Variants in STK32B observed in about 807,000 individuals in gnomAD.
The protein encoded by STK32B is serine/threonine kinase 32B.
Under a neutral mutation model 52.6 loss-of-function variants are expected in STK32B, and 43 were observed. That is an observed-to-expected ratio of 0.82 (90% CI 0.64 to 1.05). STK32B has a LOEUF of 1.05. Ranked by LOEUF, STK32B falls within the 50% of genes least tolerant of loss-of-function variation. The pLI is 0.00. For missense variants in STK32B, 621 were observed against 534.6 expected (o/e 1.16, Z -1.59); for synonymous variants, 238 against 204.3 (o/e 1.17, Z -1.41).
At chr4:5,472,330 C>A (rs946430509) in intron 11 of STK32B, among the ~76,000 whole-genome samples, 3 of 152,222 alleles carry the variant, frequency 2.0e-5, no homozygotes, top group African/African-American at 7.2e-5. Context: ...CTGGGGCTAA[C>A]CTCTCTGGAC....
intron 4 of STK32B, among the ~76,000 whole-genome samples, chr4:5,374,727 C>T (rs1479590618): frequency 6.8e-6 from 1 of 146,374 alleles, no homozygotes; most frequent in Non-Finnish European, 1.5e-5. Context: ...GGTTCCACCT[C>T]TTATACTATT....
chr4:5,202,558 C>T (rs1268876218), intron 3 of STK32B, among the ~76,000 whole-genome samples: 1 of 152,228 alleles, frequency 6.6e-6, no homozygotes, highest in Non-Finnish European at 1.5e-5. Context: ...GCATTGATTG[C>T]CCTAGTAGAG....
intron 4 of STK32B, among the ~76,000 whole-genome samples, chr4:5,359,621 G>A (rs1341359569): frequency 2.0e-5 from 3 of 152,200 alleles, no homozygotes; most frequent in Admixed American, 6.5e-5. Flanking sequence ...AGGGCCACAG[G>A]AGGGGGTCTG....
At chr4:5,485,755 A>G (rs903729621) in intron 11 of STK32B, among the ~76,000 whole-genome samples, 1 of 152,128 alleles carries the variant, frequency 6.6e-6, no homozygotes, top group Non-Finnish European at 1.5e-5. Flanking sequence ...TGATGTACAG[A>G]TGGGGTTTTG....
At chr4:5,084,215 C>T (rs1282307577) in intron 1 of STK32B, among the ~76,000 whole-genome samples, 3 of 152,206 alleles carry the variant, frequency 2.0e-5, no homozygotes, top group Admixed American at 6.5e-5. Context: ...ACAAACCTCT[C>T]TGTATCATAT....
intron 1 of STK32B, among the ~76,000 whole-genome samples, chr4:5,098,012 G>A (rs1228900849): frequency 6.6e-6 from 1 of 152,206 alleles, no homozygotes; most frequent in Non-Finnish European, 1.5e-5. Context: ...TGGATCATCT[G>A]TTCCACGTGA....
At chr4:5,357,411 A>C (rs1734258877) in intron 4 of STK32B, among the ~76,000 whole-genome samples, 1 of 152,152 alleles carries the variant, frequency 6.6e-6, no homozygotes. Flanking sequence ...GATGACAACT[A>C]CAGTTGATTT....
Position 5,331,378 on chromosome 4 carries a change from A to G in STK32B, c.419A>G (p.Tyr140Cys), listed in dbSNP as rs758262361. The change falls in exon 4 of 12, where the codon TAC (tyrosine) becomes TGC (cysteine). Residue 140 changes from tyrosine to cysteine, a missense_variant. By Grantham distance (194) the Tyr-to-Cys change is radical. Coordinates refer to ENST00000282908, the MANE Select transcript of STK32B (RefSeq NM_018401.3). Reference protein sequence around the residue: ...LALALEYLQRYHIIHRDIKPD... With the variant: ...LALALEYLQRCHIIHRDIKPD... ...CTGGCCCTGGAGTATCTTCAGAGGT[A>G]CCACATCATCCACAGGTAACTGGGC... is the stretch of plus-strand genomic sequence containing the variant. The G allele has an allele frequency of 6.2e-7, 1 of 1,612,234 alleles. No homozygotes were observed. Among genetic ancestry groups the G allele is most frequent in the Non-Finnish European group, 8.5e-7 (1 of 1,179,044 alleles).
chr4:5,453,921 A>G lies in STK32B; in HGVS notation c.667-2886A>G, dbSNP rs914350909. ...ACTCCATCTAAAAAAAAAGAAGTCCAAAACTGAACTCAGCCCCAGCTCATC... is the reference window on the plus strand; with the variant it reads ...ACTCCATCTAAAAAAAAAGAAGTCCGAAACTGAACTCAGCCCCAGCTCATC... On this transcript the variant is annotated intron_variant, in intron 7 of 11. Coordinates refer to ENST00000282908, the MANE Select transcript of STK32B (RefSeq NM_018401.3). This position sits in a 1 kb window ranked among gnomAD's most constrained non-coding sequence, Gnocchi z 4.0. Among the ~76,000 whole-genome samples, 9 of 152,060 alleles carry G rather than the reference A, an allele frequency of 5.9e-5. No homozygotes were observed. The highest frequency in any genetic ancestry group is 4.6e-4 in the Admixed American group (7 of 15,262).
chr4:5,056,791 A>G (rs893815472), intron 1 of STK32B, among the ~76,000 whole-genome samples: 13 of 152,180 alleles, frequency 8.5e-5, no homozygotes, highest in African/African-American at 3.1e-4. Context: ...TTTTGGATTC[A>G]GGGGGTAGAG....
At chr4:5,068,355 T>C (rs1265857741) in intron 1 of STK32B, among the ~76,000 whole-genome samples, 2 of 152,186 alleles carry the variant, frequency 1.3e-5, no homozygotes, top group Non-Finnish European at 2.9e-5. Context: ...CTCCCACTTA[T>C]AAGTGAGAAC....
At chr4:5,375,123 T>G (rs951949621) in intron 4 of STK32B, among the ~76,000 whole-genome samples, 1 of 152,162 alleles carries the variant, frequency 6.6e-6, no homozygotes, top group Admixed American at 6.5e-5. Context: ...ATCTGGCTTC[T>G]GAAACTCCAG....
chr4:5,105,855 G>C (rs1373928045), intron 1 of STK32B, among the ~76,000 whole-genome samples: 3 of 151,564 alleles, frequency 2.0e-5, no homozygotes, highest in African/African-American at 7.3e-5. Context: ...GAGCCACCAC[G>C]CCCGGCTGAA....
chr4:5,114,698 C>G (rs991085474), intron 1 of STK32B, among the ~76,000 whole-genome samples: 13 of 152,210 alleles, frequency 8.5e-5, no homozygotes, highest in Admixed American at 3.9e-4. Context: ...AAACAACTCG[C>G]TCCCGTCTTC....
intron 1 of STK32B, among the ~76,000 whole-genome samples, chr4:5,065,668 G>A (rs571149325): frequency 6.6e-6 from 1 of 152,286 alleles, no homozygotes; most frequent in Admixed American, 6.5e-5. Flanking sequence ...AATTTGATTT[G>A]GAGCTGAGAG....
chr4:5,304,640 T>G (rs945011896), intron 3 of STK32B, among the ~76,000 whole-genome samples: 1 of 152,172 alleles, frequency 6.6e-6, no homozygotes, highest in African/African-American at 2.4e-5. Context: ...AGCAACAGTT[T>G]GACTTCCTCA....
At chr4:5,345,743 GGT>G (rs1434552960) in intron 4 of STK32B, among the ~76,000 whole-genome samples, 1 of 152,154 alleles carries the variant, frequency 6.6e-6, no homozygotes, top group Non-Finnish European at 1.5e-5. Flanking sequence ...GATAACCTAT[GGT>G]AATCAAGTTC....
intron 7 of STK32B, 147 bp downstream of exon 7, chr4:5,446,923 T>C (rs1353084454): frequency 2.9e-6 from 2 of 679,830 alleles, no homozygotes; most frequent in African/African-American, 1.8e-5. Flanking sequence ...CTGATGCCTG[T>C]GTGCCGCCTA....
At chr4:5,129,071 A>G (rs370671925) in intron 1 of STK32B, among the ~76,000 whole-genome samples, 1 of 152,186 alleles carries the variant, frequency 6.6e-6, no homozygotes, top group African/African-American at 2.4e-5. Flanking sequence ...TCGCACACCT[A>G]AATAGTCATG....
Sources: allele counts gnomAD v4.1 joint callset (sites outside exome capture counted in the v4.1 genomes callset), GRCh38; gene constraint gnomAD v4.1.1; non-coding constraint Gnocchi (gnomAD v3.1); transcripts MANE v1.5; gene names NCBI Gene and HGNC (gene_info 2026-07-23, HGNC 2026-07-21).